Variants in CTNNA2 observed in about 807,000 individuals in gnomAD.
The protein encoded by CTNNA2 is catenin alpha-2.
A neutral mutation model predicts 101.0 loss-of-function variants in CTNNA2; 42 were observed. That is an observed-to-expected ratio of 0.42 (90% CI 0.32 to 0.54). The LOEUF (loss-of-function observed/expected upper bound fraction) is 0.54, where lower values mean the gene tolerates loss of function less well. Among genes scored for constraint, CTNNA2 ranks in the 20% least tolerant of loss-of-function variants. CTNNA2 has a pLI of 0.14. For synonymous variants in CTNNA2, 450 were observed against 456.4 expected, an observed-to-expected ratio of 0.99 and a Z score of 0.18; for missense variants, 871 against 1,223.1, an observed-to-expected ratio of 0.71 and a Z score of 4.29.
At chr2:80,224,784 G>A (rs1708778016) in intron 7 of CTNNA2, among the ~76,000 whole-genome samples, 1 of 152,076 alleles carries the variant, frequency 6.6e-6, no homozygotes, top group African/African-American at 2.4e-5. Context: ...CCTACCTCTA[G>A]TTGCTAAACT....
At chr2:79,419,879 C>T (rs930770253) in intron 4 of CTNNA2, among the ~76,000 whole-genome samples, 4 of 152,116 alleles carry the variant, frequency 2.6e-5, no homozygotes. Context: ...TTTTGAATAA[C>T]TTTTTCTTAA....
intron 3 of CTNNA2, among the ~76,000 whole-genome samples, chr2:79,832,820 C>G (rs912596751): frequency 6.6e-6 from 1 of 152,192 alleles, no homozygotes; most frequent in African/African-American, 2.4e-5. Context: ...TCAAGAGTGC[C>G]AGTACCAGAT....
At chr2:79,231,537 G>A (rs1216054220) in intron 2 of CTNNA2, among the ~76,000 whole-genome samples, 2 of 152,134 alleles carry the variant, frequency 1.3e-5, no homozygotes, top group Non-Finnish European at 2.9e-5. Context: ...TGATGCACAG[G>A]CTTTTTGTTT....
At chr2:79,244,244 C>T (rs1403557464) in intron 2 of CTNNA2, among the ~76,000 whole-genome samples, 1 of 152,156 alleles carries the variant, frequency 6.6e-6, no homozygotes, top group Non-Finnish European at 1.5e-5. Context: ...CCCAGAACTC[C>T]ACCTGCAATT....
chr2:79,711,309 A>AGAG (rs1005145921), intron 2 of CTNNA2, among the ~76,000 whole-genome samples: 2 of 152,142 alleles, frequency 1.3e-5, no homozygotes, highest in African/African-American at 2.4e-5. Flanking sequence ...GTGTTGCCTC[A>AGAG]TCTCTTCTGC....
At chr2:79,881,241 A>G (rs1325162427) in intron 6 of CTNNA2, among the ~76,000 whole-genome samples, 1 of 152,160 alleles carries the variant, frequency 6.6e-6, no homozygotes, top group Non-Finnish European at 1.5e-5. Flanking sequence ...TATGTGGTCA[A>G]TTTTATAATA....
chr2:80,375,559 C>A (rs1208744418), intron 7 of CTNNA2, among the ~76,000 whole-genome samples: 1 of 111,076 alleles, frequency 9.0e-6, no homozygotes, highest in Admixed American at 9.0e-5. Context: ...TGGTTTCTGG[C>A]TTCTTTTTTT....
chr2:79,908,132 T>TA (rs762718430), intron 6 of CTNNA2, among the ~76,000 whole-genome samples: 7 of 152,190 alleles, frequency 4.6e-5, no homozygotes, highest in Non-Finnish European at 7.3e-5. Flanking sequence ...TACATCAGCA[T>TA]AAAAAATCCA....
chr2:80,648,032 C>G lies in CTNNA2; in HGVS notation c.*160C>G. The G allele has an allele frequency of 1.6e-6, 1 of 628,628 alleles. No homozygotes were observed. The highest frequency in any genetic ancestry group is 2.7e-6 in the Non-Finnish European group (1 of 377,284). The allele number at this position is 628,628 out of a possible 1,614,324, so 38.9% of individuals were successfully genotyped here. On this transcript the variant is annotated 3_prime_UTR_variant, in exon 19 of 19. Transcript: ENST00000402739. ...CATGTAAGATGAGATGAGATCAATA[C>G]TACTGATCCATCTGTAGCCTGGGAA...
chr2:80,043,370 G>A (rs1696307242), intron 7 of CTNNA2, among the ~76,000 whole-genome samples: 1 of 151,634 alleles, frequency 6.6e-6, no homozygotes, highest in Admixed American at 6.6e-5. Flanking sequence ...GCTGATTTTT[G>A]TATTTTTAGT....
intron 7 of CTNNA2, among the ~76,000 whole-genome samples, chr2:80,118,970 A>C (rs1701680710): frequency 6.6e-6 from 1 of 152,236 alleles, no homozygotes; most frequent in Non-Finnish European, 1.5e-5. Context: ...TATCAAAGGT[A>C]AAAACTGAGT....
chr2:79,401,869 A>G (rs1678293958), intron 4 of CTNNA2, among the ~76,000 whole-genome samples: 1 of 151,672 alleles, frequency 6.6e-6, no homozygotes, highest in Non-Finnish European at 1.5e-5. Context: ...ATTTAAAAGA[A>G]TTAACAAGAA....
chr2:80,047,565 C>G (rs1696609996), intron 7 of CTNNA2, among the ~76,000 whole-genome samples: 1 of 152,106 alleles, frequency 6.6e-6, no homozygotes, highest in Non-Finnish European at 1.5e-5. Flanking sequence ...TGGATATTCT[C>G]CAGTGTATGC....
At chr2:80,385,333 A>G (rs1423450146) in intron 7 of CTNNA2, among the ~76,000 whole-genome samples, 3 of 151,934 alleles carry the variant, frequency 2.0e-5, no homozygotes, top group African/African-American at 7.3e-5. Flanking sequence ...GTGCCCTTAT[A>G]AAAGAGACCC....
rs746857376 is a variant in CTNNA2, at chr2:80,647,705, G to A, written c.2695G>A (p.Val899Ile). The change falls in exon 19 of 19, where the codon GTC becomes ATC. Residue 899 changes from valine (V) to isoleucine (I), a missense_variant. Coordinates refer to ENST00000402739, the MANE Select transcript of CTNNA2 (RefSeq NM_001282597.3). ...KYQKVYGTAA[V>I]NSPVVSWKMK... ...CCAGAAGGTCTATGGGACAGCAGCT[G>A]TCAACTCACCTGTTGTGTCTTGGAA... 5 of 1,613,366 alleles carry A rather than the reference G, an allele frequency of 3.1e-6. No individual in the cohort carries two copies. Among genetic ancestry groups the A allele is most frequent in the African/African-American group, 1.3e-5 (1 of 74,856 alleles).
chr2:79,942,484 A>G (rs1192179742), intron 7 of CTNNA2, among the ~76,000 whole-genome samples: 1 of 152,238 alleles, frequency 6.6e-6, no homozygotes, highest in African/African-American at 2.4e-5. Context: ...TTATTGTAAT[A>G]GGTAGCACTG....
chr2:80,393,443 G>A, intron 8 of CTNNA2, 152 bp downstream of exon 8: 1 of 597,618 alleles, frequency 1.7e-6, no homozygotes, highest in South Asian at 2.5e-5. Context: ...TTATCGGCAA[G>A]GTAGAGATTG....
At chr2:80,044,248 A>T (rs1696369289) in intron 7 of CTNNA2, among the ~76,000 whole-genome samples, 1 of 152,156 alleles carries the variant, frequency 6.6e-6, no homozygotes, top group South Asian at 2.1e-4. Context: ...ACATAGCCGC[A>T]CACCTTTCAA....
chr2:80,503,756 T>A (rs963990888), intron 9 of CTNNA2, among the ~76,000 whole-genome samples: 2 of 151,974 alleles, frequency 1.3e-5, no homozygotes, highest in African/African-American at 4.8e-5. Flanking sequence ...TCAGTTTGGG[T>A]CCAGAGCCTG....
Sources: allele counts gnomAD v4.1 joint callset (sites outside exome capture counted in the v4.1 genomes callset), GRCh38; gene constraint gnomAD v4.1.1; transcripts MANE v1.5; gene names NCBI Gene and HGNC (gene_info 2026-07-23, HGNC 2026-07-21).